Variants in CPXM2 observed in about 807,000 individuals in gnomAD.
CPXM2 encodes inactive carboxypeptidase-like protein X2.
A neutral mutation model predicts 86.1 loss-of-function variants in CPXM2; 66 were observed. The ratio of observed to expected loss-of-function variants is 0.77; its 90% CI spans 0.63 to 0.94. The LOEUF is 0.94. Ranked by LOEUF, CPXM2 falls within the 40% of genes least tolerant of loss-of-function variation. The pLI is 0.00. For synonymous variants in CPXM2, 388 were observed against 400.2 expected, an observed-to-expected ratio of 0.97 and a Z score of 0.36; for missense variants, 948 against 1,026.3, an observed-to-expected ratio of 0.92 and a Z score of 1.04.
At chr10:123,858,206 T>A (rs1427940209) in intron 3 of CPXM2, among the ~76,000 whole-genome samples, 1 of 152,210 alleles carries the variant, frequency 6.6e-6, no homozygotes, top group Non-Finnish European at 1.5e-5. Context: ...CAGACCAGCC[T>A]GCCCGGCCGC....
At chr10:123,837,058 A>G (rs528619860) in intron 4 of CPXM2, among the ~76,000 whole-genome samples, 15 of 152,376 alleles carry the variant, frequency 9.8e-5, no homozygotes, top group African/African-American at 3.6e-4. Flanking sequence ...CAAAGAGAGA[A>G]ATTCACCTTT....
intron 1 of CPXM2, among the ~76,000 whole-genome samples, chr10:123,881,787 C>A (rs1253376911): frequency 6.6e-6 from 1 of 152,186 alleles, no homozygotes; most frequent in Non-Finnish European, 1.5e-5. Flanking sequence ...CGCAGGTCTG[C>A]ACCCATCTTG....
chr10:123,768,732 A>G lies in CPXM2; in HGVS notation c.1103-10T>C. On this transcript the variant is annotated splice_polypyrimidine_tract_variant and intron_variant, in intron 8 of 13. Coordinates refer to ENST00000241305, the MANE Select transcript of CPXM2 (RefSeq NM_198148.3). The stretch of plus-strand genomic sequence containing the variant: ...TGGAACTCGGGCTCACCTTTACTCA[A>G]AGACAGAGAGAAGCACAGGTTCACG... 6.2e-7 allele frequency: 1 copy of G among 1,605,422 alleles called. No homozygotes were observed. The highest frequency in any genetic ancestry group is 8.5e-7 in the Non-Finnish European group (1 of 1,179,290).
intron 3 of CPXM2, among the ~76,000 whole-genome samples, chr10:123,850,910 AGACT>A (rs979665994): frequency 1.3e-5 from 2 of 152,224 alleles, no homozygotes; most frequent in Non-Finnish European, 2.9e-5. Context: ...AGATAAAGAC[AGACT>A]ATTATACTGC....
At chr10:123,803,012 A>T (rs565469368) in intron 4 of CPXM2, among the ~76,000 whole-genome samples, 1 of 149,206 alleles carries the variant, frequency 6.7e-6, no homozygotes, top group Non-Finnish European at 1.5e-5. Context: ...TCTTTCTCAC[A>T]TTGATTTATA....
chr10:123,759,542 G>A (rs1219143496), intron 11 of CPXM2, among the ~76,000 whole-genome samples: 1 of 152,196 alleles, frequency 6.6e-6, no homozygotes, highest in Non-Finnish European at 1.5e-5. Flanking sequence ...TACGTGGCCA[G>A]AGAAGGGCTT....
At chr10:123,794,779 G>A (rs1285276229) in intron 6 of CPXM2, among the ~76,000 whole-genome samples, 2 of 150,438 alleles carry the variant, frequency 1.3e-5, no homozygotes, top group African/African-American at 5.0e-5. Flanking sequence ...GCGCATGTGT[G>A]TGTGTATTTG....
rs184123347 is a variant in CPXM2, at chr10:123,837,192, G to A, written c.653+5157C>T. On this transcript the variant is annotated intron_variant, in intron 4 of 13. Transcript: ENST00000241305. ...GACTTTCCATTGCCAACCAGAAAGC[G>A]AGCGTCTCAGGGCTCAGGGCTGAGC... 7.2e-5 allele frequency among the ~76,000 whole-genome samples: 11 copies of A among 152,310 alleles called. No homozygotes were observed. The Middle Eastern group carries it at 0.014, about 188-fold the overall frequency.
chr10:123,771,087 C>A, intron 7 of CPXM2, 48 bp from the exon 8 acceptor site: 1 of 1,585,576 alleles, frequency 6.3e-7, no homozygotes, highest in Admixed American at 1.7e-5. Context: ...TGACGATGCA[C>A]TAAAAGGACA....
chr10:123,754,473 C>T lies in CPXM2; in HGVS notation c.2017+190G>A, dbSNP rs1846153233. 1.3e-5 allele frequency among the ~76,000 whole-genome samples: 2 copies of T among 152,196 alleles called. No individual in the cohort carries two copies. The highest frequency in any genetic ancestry group is 1.5e-5 in the Non-Finnish European group (1 of 68,046). ...ATCCTGTGAAAGGGACAGCGAGCAA[C>T]CAGCAAGCACAGGCTGAAAACCTCC... On this transcript the variant is annotated intron_variant, in intron 13 of 13. Transcript: ENST00000241305. The surrounding 1 kb of genome is among the most constrained non-coding windows in gnomAD (Gnocchi z 4.0).
At position 123,932,719 on chromosome 10, in the gene CPXM2, C is replaced by T. The variant is rs146837291; in HGVS notation, n.174+6758G>A. ...ACATAAGGAACGCAAGAGCCTACTG[C>T]GGAAGGAGGGTTCAGACTCCAATGC... On this transcript the variant is annotated intron_variant and non_coding_transcript_variant, in intron 2 of 19. Transcript: ENST00000368854. Among the ~76,000 whole-genome samples, 127 of 152,316 alleles carry T rather than the reference C, an allele frequency of 8.3e-4. 1 individual carries two copies. In the East Asian group the frequency reaches 0.02, roughly 24 times the overall value.
At chr10:123,923,570 G>C (rs1033788921) in intron 2 of CPXM2, among the ~76,000 whole-genome samples, 1 of 150,008 alleles carries the variant, frequency 6.7e-6, no homozygotes, top group East Asian at 2.0e-4. Flanking sequence ...GACAGAGCGA[G>C]ACTCCGTCTC....
rs1425477650 is a variant in CPXM2, at chr10:123,754,845, A to AC, written c.1918-84dup. ...GCACAACAGAGTGGGCTGTCAACCCACCATTGGCCGGTTCCCACCAAGAAC... is the reference window on the plus strand; with the variant it reads ...GCACAACAGAGTGGGCTGTCAACCCACCCATTGGCCGGTTCCCACCAAGAAC... On this transcript the variant is annotated intron_variant, in intron 12 of 13. Transcript: ENST00000241305. This position sits in a 1 kb window ranked among gnomAD's most constrained non-coding sequence, Gnocchi z 4.0. 6.4e-6 allele frequency: 5 copies of AC among 781,320 alleles called. No individual in the cohort carries two copies. The highest frequency in any genetic ancestry group is 1.1e-5 in the Non-Finnish European group (5 of 437,186). 48.4% of individuals were successfully genotyped at this position (781,320 alleles called of 1,614,324 possible). A position where few individuals can be genotyped will look rare whatever the true frequency, so the allele number is the denominator to read the frequency against.
At chr10:123,816,752 C>G (rs570358118) in intron 4 of CPXM2, among the ~76,000 whole-genome samples, 1 of 152,338 alleles carries the variant, frequency 6.6e-6, no homozygotes, top group South Asian at 2.1e-4. Context: ...AGCAATATAC[C>G]TTTACTGTCC....
At chr10:123,923,408 G>A (rs980454082) in intron 2 of CPXM2, among the ~76,000 whole-genome samples, 4 of 104,000 alleles carry the variant, frequency 3.8e-5, no homozygotes, top group Admixed American at 9.9e-5. Flanking sequence ...GTGAAACCCC[G>A]TCTCTACTAA....
rs1055484737 is a variant in CPXM2, at chr10:123,746,718, G to T, written c.*46C>A. ...CCACTATGGAGCTACTACCAGGTTG[G>T]TTTAATTTGCATGGGTCCCAGACGA... On this transcript the variant is annotated 3_prime_UTR_variant, in exon 14 of 14. Coordinates refer to ENST00000241305, the MANE Select transcript of CPXM2 (RefSeq NM_198148.3). The T allele has an allele frequency of 6.3e-7, 1 of 1,597,334 alleles. No homozygotes were observed.
At chr10:123,761,800 G>C (rs779077181) in intron 11 of CPXM2, 72 bp downstream of exon 11, 36 of 1,458,262 alleles carry the variant, frequency 2.5e-5, no homozygotes, top group Non-Finnish European at 3.2e-5. Flanking sequence ...AGTGACACCA[G>C]GAGGGCCAGG....
At chr10:123,924,869 A>C (rs1266712011) in intron 2 of CPXM2, among the ~76,000 whole-genome samples, 1 of 152,184 alleles carries the variant, frequency 6.6e-6, no homozygotes, top group East Asian at 1.9e-4. Flanking sequence ...GTCAGGAATC[A>C]GGGTCAAAGA....
chr10:123,770,899 A>T lies in CPXM2; in HGVS notation c.1102+17T>A. On this transcript the variant is annotated intron_variant, in intron 8 of 13. Coordinates refer to ENST00000241305, the MANE Select transcript of CPXM2 (RefSeq NM_198148.3). Reference sequence around the variant, plus strand: ...CAAAGATGAAGGGGCCAAGCATCCCAGAGGGGCCCTTCTCACCGACTTCAT... The same window carrying T: ...CAAAGATGAAGGGGCCAAGCATCCCTGAGGGGCCCTTCTCACCGACTTCAT... The T allele has an allele frequency of 6.2e-7, 1 of 1,608,570 alleles. No individual in the cohort carries two copies.
Sources: gnomAD v4.1 joint callset for allele counts (sites outside exome capture counted in the v4.1 genomes callset) on GRCh38, gnomAD v4.1.1 for gene constraint, Gnocchi (gnomAD v3.1) non-coding constraint, MANE v1.5 for transcripts, NCBI Gene and HGNC (gene_info 2026-07-23, HGNC 2026-07-21) for gene names.